The following SVOP variants were observed in gnomAD, a reference collection of about 807,000 sequenced individuals.
SVOP encodes the protein SV2 related protein, also known as synaptic vesicle 2-related protein.
Under a neutral mutation model 69.1 loss-of-function variants are expected in SVOP, and 17 were observed. The ratio of observed to expected loss-of-function variants is 0.25; its 90% CI spans 0.17 to 0.37. The LOEUF (loss-of-function observed/expected upper bound fraction) is 0.37, where lower values mean the gene tolerates loss of function less well. SVOP is among the 10% of genes least tolerant of loss of function. SVOP has a pLI of 1.00. For synonymous variants in SVOP, 238 were observed against 238.6 expected (o/e 1.00, Z 0.02); for missense variants, 435 against 597.5 (o/e 0.73, Z 2.84).
chr12:108,940,957 C>G (rs150503625), intron 7 of SVOP, 48 bp from the exon 8 acceptor site: 21,614 of 1,517,312 alleles, frequency 0.014, 202 homozygotes, highest in Non-Finnish European at 0.017. Context: ...ATGGTCCATA[C>G]AGAGAGGAAT....
chr12:109,011,920 G>A (rs2040343841), intron 1 of SVOP, among the ~76,000 whole-genome samples: 1 of 152,164 alleles, frequency 6.6e-6, no homozygotes, highest in Admixed American at 6.6e-5. Flanking sequence ...TAGAAGCAGA[G>A]AGTGGAATGG....
chr12:108,929,843 G>C (rs1301602185), intron 11 of SVOP, among the ~76,000 whole-genome samples: 1 of 152,042 alleles, frequency 6.6e-6, no homozygotes, highest in African/African-American at 2.4e-5. Flanking sequence ...GGCTTTTTTG[G>C]ACACTGACAC....
At chr12:109,007,436 C>A (rs1423694094) in intron 1 of SVOP, among the ~76,000 whole-genome samples, 2 of 152,284 alleles carry the variant, frequency 1.3e-5, no homozygotes, top group East Asian at 3.9e-4. Context: ...AAAGAAGGTG[C>A]CTCTCAACCT....
chr12:108,952,230 C>CTTTTTTTTTTTTTTTTT (rs36191772), intron 6 of SVOP, among the ~76,000 whole-genome samples: 41 of 98,356 alleles, frequency 4.2e-4, no homozygotes, highest in Non-Finnish European at 5.6e-4. Context: ...TTTCTTTTCT[C>CTTTTTTTTTTTTTTTTT]TTTTTTTTTT....
intron 10 of SVOP, among the ~76,000 whole-genome samples, chr12:108,935,951 C>G (rs762845181): frequency 5.9e-5 from 9 of 152,026 alleles, no homozygotes; most frequent in Non-Finnish European, 1.0e-4. Context: ...TCCCAAAATA[C>G]GTGCCACATG....
rs749864029 is a variant in SVOP at position 108,912,614 on chromosome 12, C to A, written c.1568G>T (p.Arg523Leu). ...KGRGLQESSH[R>L]EWGQEMVGRG... The stretch of plus-strand genomic sequence containing the variant: ...GCCGACCATCTCCTGGCCCCACTCC[C>A]GGTGGCTGGACTCCTGCAGTCCTCG... Residue 523 changes from arginine to leucine, a missense_variant, in exon 16 of 16, where the codon CGG (arginine) becomes CTG (leucine). Coordinates refer to ENST00000610966, the MANE Select transcript of SVOP (RefSeq NM_018711.5). The A allele has an allele frequency of 1.2e-6, 2 of 1,613,958 alleles. No homozygotes were observed. Among genetic ancestry groups the A allele is most frequent in the Non-Finnish European group, 1.7e-6 (2 of 1,179,874 alleles).
chr12:108,977,110 GC>G (rs1367836096), intron 4 of SVOP, among the ~76,000 whole-genome samples: 1 of 152,176 alleles, frequency 6.6e-6, no homozygotes, highest in African/African-American at 2.4e-5. Context: ...CCTGTTTGCA[GC>G]CAAGAAAACA....
chr12:108,974,392 G>A (rs2040095708), intron 4 of SVOP, among the ~76,000 whole-genome samples: 1 of 152,142 alleles, frequency 6.6e-6, no homozygotes, highest in South Asian at 2.1e-4. Context: ...ATAAGTCAGT[G>A]CAGGAGAAAA....
At chr12:108,974,568 T>C (rs1033188158) in intron 4 of SVOP, among the ~76,000 whole-genome samples, 1 of 151,774 alleles carries the variant, frequency 6.6e-6, no homozygotes, top group African/African-American at 2.4e-5. Context: ...CTGTCTCTAC[T>C]AAAAGTAAAA....
intron 1 of SVOP, among the ~76,000 whole-genome samples, chr12:109,000,030 T>A (rs1180449493): frequency 6.6e-6 from 1 of 151,566 alleles, no homozygotes; most frequent in African/African-American, 2.4e-5. Context: ...AGGAGCTGGT[T>A]TTTTGAAAGG....
rs752359301 is a variant in SVOP, at chr12:108,919,759, T to C, written c.1184A>G (p.Asp395Gly). The C allele has an allele frequency of 6.9e-6, 11 of 1,601,986 alleles. No individual in the cohort carries two copies. The highest frequency in any genetic ancestry group is 8.5e-6 in the Non-Finnish European group (10 of 1,174,344). ...CATGGTCTTCTTGCGCCCCAGGCGG[T>C]CAATAATCCACAGAGTCACAAGGAC... ...PGVLVTLWII[D>G]RLGRKKTMAL... Residue 395 changes from aspartate (D) to glycine (G), a missense_variant, in exon 13 of 16, where the codon GAC (aspartate) becomes GGC (glycine). Transcript: ENST00000610966.
intron 1 of SVOP, among the ~76,000 whole-genome samples, chr12:108,990,241 C>T (rs36172555): frequency 0.89 from 135,086 of 151,982 alleles, 61,154 homozygotes; most frequent in Non-Finnish European, 0.99. Flanking sequence ...AATCAAAAGG[C>T]ACAGCTCCAT....
intron 1 of SVOP, among the ~76,000 whole-genome samples, chr12:108,991,566 G>T (rs553053396): frequency 6.6e-6 from 1 of 151,968 alleles, no homozygotes; most frequent in African/African-American, 2.4e-5. Context: ...AGCAATCCTC[G>T]TGCCTTGGCC....
intron 9 of SVOP, among the ~76,000 whole-genome samples, chr12:108,938,299 T>C (rs2039868134): frequency 6.6e-6 from 1 of 152,194 alleles, no homozygotes; most frequent in South Asian, 2.1e-4. Flanking sequence ...TTTCTCCCCA[T>C]GTGTGCAATG....
chr12:108,977,279 C>T, intron 4 of SVOP, 119 bp downstream of exon 4: 1 of 1,248,464 alleles, frequency 8.0e-7, no homozygotes, highest in Non-Finnish European at 1.1e-6. Flanking sequence ...GACAGTGTTT[C>T]CATCAGGGCT....
In SVOP at chr12:108,965,296, A is replaced by C. The variant is rs375860049; in HGVS notation, c.454-4249T>G. Among the ~76,000 whole-genome samples, 5 of 152,338 alleles carry C rather than the reference A, an allele frequency of 3.3e-5. No homozygotes were observed. In the East Asian group the frequency reaches 9.6e-4, roughly 29 times the overall value. On this transcript the variant is annotated intron_variant, in intron 5 of 15. Transcript: ENST00000610966. ...GTTGAGCAATTTGCTGAAGATCCGT[A>C]AGTGGTGCCAAAGTTGGAGCCAGAA...
chr12:108,916,878 C>T (rs1190547489), intron 14 of SVOP, among the ~76,000 whole-genome samples: 1 of 152,184 alleles, frequency 6.6e-6, no homozygotes, highest in Non-Finnish European at 1.5e-5. Flanking sequence ...CCCCGAGTAG[C>T]TGGGACAACA....
intron 13 of SVOP, 65 bp downstream of exon 13, chr12:108,919,610 A>T: frequency 7.5e-7 from 1 of 1,340,914 alleles, no homozygotes; most frequent in Non-Finnish European, 1.0e-6. Flanking sequence ...CTGGGCCTGC[A>T]CCCACACCTG....
chr12:108,925,016 CT>C (rs369350922), intron 11 of SVOP, among the ~76,000 whole-genome samples: 169 of 147,046 alleles, frequency 1.1e-3, no homozygotes, highest in African/African-American at 2.6e-3. Flanking sequence ...AAAAGCCTTC[CT>C]TTTTTTTTTT....
Sources: allele counts gnomAD v4.1 joint callset (sites outside exome capture counted in the v4.1 genomes callset), GRCh38; gene constraint gnomAD v4.1.1; transcripts MANE v1.5; gene names NCBI Gene and HGNC (gene_info 2026-07-23, HGNC 2026-07-21).